The following RAP1GAP2 variants were observed in gnomAD, a reference collection of about 807,000 sequenced individuals.
RAP1GAP2 encodes the protein rap1 GTPase-activating protein 2.
Under a neutral mutation model 95.0 loss-of-function variants are expected in RAP1GAP2, and 27 were observed. The observed-to-expected ratio is 0.28, with a 90% CI of 0.21 to 0.39. The LOEUF (loss-of-function observed/expected upper bound fraction) is 0.39. Ranked by LOEUF, RAP1GAP2 falls within the 10% of genes least tolerant of loss-of-function variation. The probability of loss-of-function intolerance (pLI) is 1.00; values close to 1 mark genes in which losing one functional copy is unlikely to be tolerated. For missense variants in RAP1GAP2, 771 were observed against 970.0 expected (o/e 0.79, Z 2.72); for synonymous variants, 373 against 380.9 (o/e 0.98, Z 0.24).
intron 3 of RAP1GAP2, among the ~76,000 whole-genome samples, chr17:2,938,911 A>T (rs1391840064): frequency 6.6e-6 from 1 of 151,996 alleles, no homozygotes; most frequent in Non-Finnish European, 1.5e-5. Flanking sequence ...TCTTGAACCC[A>T]GGAGGCAGAG....
At chr17:2,804,771 G>C (rs1245023123) in intron 2 of RAP1GAP2, among the ~76,000 whole-genome samples, 1 of 152,194 alleles carries the variant, frequency 6.6e-6, no homozygotes, top group East Asian at 1.9e-4. Context: ...ATGCTGGAGG[G>C]GAGGTGGCAA....
At position 2,820,891 on chromosome 17, in the gene RAP1GAP2, G is replaced by GTTTTTTTTTTTTTTT. The variant is rs1475267891; in HGVS notation, c.80+20341_80+20342insTTTTTTTTTTTTTTT. Among the ~76,000 whole-genome samples, 312 of 113,944 alleles carry GTTTTTTTTTTTTTTT rather than the reference G, an allele frequency of 2.7e-3. 18 individuals are homozygous for GTTTTTTTTTTTTTTT. Among genetic ancestry groups the GTTTTTTTTTTTTTTT allele is most frequent in the Admixed American group, 5.9e-3 (58 of 9,782 alleles). The allele number at this position is 113,944 out of a possible 152,430, so 74.8% of individuals were successfully genotyped here. ...TGCCCGCCACCACGGCCCGGATAAT[G>GTTTTTTTTTTTTTTT]GTTTTTTTTTTTTTTTTTGTATTTT... On this transcript the variant is annotated intron_variant, in intron 2 of 24. Transcript: ENST00000254695.
intron 22 of RAP1GAP2, among the ~76,000 whole-genome samples, chr17:3,030,426 ACAAT>A (rs1398667585): frequency 3.9e-5 from 6 of 152,300 alleles, no homozygotes; most frequent in South Asian, 2.1e-4. Context: ...AGACAACAAA[ACAAT>A]CAATCAAGTC....
At chr17:2,892,005 G>C (rs923943178) in intron 2 of RAP1GAP2, among the ~76,000 whole-genome samples, 1 of 151,626 alleles carries the variant, frequency 6.6e-6, no homozygotes, top group Admixed American at 6.6e-5. Flanking sequence ...TGTATTTTTA[G>C]TAGAGACGGG....
In RAP1GAP2 at chr17:2,965,452, G is replaced by T. The variant is rs2044549529; in HGVS notation, c.493-88G>T. On this transcript the variant is annotated intron_variant, in intron 7 of 24. Transcript: ENST00000254695. This position sits in a 1 kb window ranked among gnomAD's most constrained non-coding sequence, Gnocchi z 4.7. ...TCCTTCTCTTCCTTGTTGCTGTGGG[G>T]CTTCTCCTGGTGAAGGAGGTGGTTT... The T allele has an allele frequency of 2.1e-6, 2 of 934,904 alleles. No homozygotes were observed. Among genetic ancestry groups the T allele is most frequent in the Non-Finnish European group, 3.3e-6 (2 of 599,748 alleles). The allele number at this position is 934,904 out of a possible 1,614,324, so 57.9% of individuals were successfully genotyped here.
chr17:2,928,705 A>C (rs532668128), intron 3 of RAP1GAP2, among the ~76,000 whole-genome samples: 1 of 152,182 alleles, frequency 6.6e-6, no homozygotes, highest in South Asian at 2.1e-4. Context: ...AGCGCCTTCC[A>C]GCCCACCGAT....
At chr17:2,806,808 G>T (rs1314316307) in intron 2 of RAP1GAP2, among the ~76,000 whole-genome samples, 2 of 151,714 alleles carry the variant, frequency 1.3e-5, no homozygotes, top group African/African-American at 4.9e-5. Context: ...CTGCCTCCTG[G>T]GTTCAAGTGA....
At chr17:2,928,926 G>T (rs73976724) in intron 3 of RAP1GAP2, among the ~76,000 whole-genome samples, 9,514 of 152,150 alleles carry the variant, frequency 0.063, 601 homozygotes, top group East Asian at 0.16. Context: ...TTCACTGGCT[G>T]GGTGGAGCTT....
In RAP1GAP2 at chr17:2,796,460, C is replaced by G. The variant is rs1023235635; in HGVS notation, c.-68C>G. ...GGCACTGACCCCGCTGTACCACGGC[C>G]CTCTTGCGGACAGCCCCGGGGACGT... On this transcript the variant is annotated 5_prime_UTR_variant, in exon 1 of 25. Coordinates refer to ENST00000254695, the MANE Select transcript of RAP1GAP2 (RefSeq NM_015085.5). The surrounding 1 kb of genome is among the most constrained non-coding windows in gnomAD (Gnocchi z 4.7). 9 of 1,525,172 alleles carry G rather than the reference C, an allele frequency of 5.9e-6. No individual in the cohort carries two copies. The African/African-American group carries it at 1.2e-4, about 21-fold the overall frequency. 94.5% of individuals were successfully genotyped at this position (1,525,172 alleles called of 1,614,324 possible). A position where few individuals can be genotyped will look rare whatever the true frequency, so the allele number is the denominator to read the frequency against.
Position 2,963,482 on chromosome 17 carries a change from TC to T in RAP1GAP2, c.279+23del, listed in dbSNP as rs745641685. The T allele has an allele frequency of 1.9e-6, 3 of 1,613,392 alleles. No homozygotes were observed. In the African/African-American group the frequency reaches 4.0e-5, roughly 22 times the overall value. On this transcript the variant is annotated intron_variant, in intron 6 of 24. Transcript: ENST00000254695. The surrounding 1 kb of genome is among the most constrained non-coding windows in gnomAD (Gnocchi z 4.8). ...GACGAGGTAGGTGCCCTCCCCTCAC[TC>T]CCACCTGCCCTGCAGCCTGCTCTGG...
At chr17:2,783,171 C>T (rs1013247839) in intron 1 of RAP1GAP2, among the ~76,000 whole-genome samples, 5 of 152,160 alleles carry the variant, frequency 3.3e-5, no homozygotes, top group African/African-American at 9.7e-5. Flanking sequence ...CTGTTCCCTC[C>T]GCTCTTCACA....
chr17:2,929,194 C>G (rs769943541), intron 3 of RAP1GAP2, among the ~76,000 whole-genome samples: 5 of 152,188 alleles, frequency 3.3e-5, no homozygotes, highest in Non-Finnish European at 7.3e-5. Flanking sequence ...GATCGCGCCA[C>G]TGTACTCCAG....
rs2044430679 is a variant in RAP1GAP2 at position 2,963,434 on chromosome 17, A to T, written c.251A>T (p.Asp84Val). Residue 84 changes from aspartate to valine, a missense_variant, in exon 6 of 25, where the codon GAC becomes GTC. By Grantham distance (152) the Asp-to-Val change is radical. Coordinates refer to ENST00000254695, the MANE Select transcript of RAP1GAP2 (RefSeq NM_015085.5). This position sits in a 1 kb window ranked among gnomAD's most constrained non-coding sequence, Gnocchi z 4.8. ...ATCATCTGGTTTGTCTTGCAGGACG[A>T]CTATATCCCATACCCCAGCATCGAC... ...QKPGPQKNKD[D>V]YIPYPSIDEV... 3 of 1,613,606 alleles carry T rather than the reference A, an allele frequency of 1.9e-6. No individual in the cohort carries two copies. In the African/African-American group the frequency reaches 4.0e-5, roughly 22 times the overall value.
intron 3 of RAP1GAP2, among the ~76,000 whole-genome samples, chr17:2,918,450 A>G (rs1001516385): frequency 6.3e-4 from 95 of 151,688 alleles, no homozygotes; most frequent in Non-Finnish European, 9.7e-4. Context: ...AAAAAAAAAA[A>G]AAAGAAAGGT....
At chr17:2,875,928 TTTTG>T (rs1047018328) in intron 2 of RAP1GAP2, among the ~76,000 whole-genome samples, 7 of 147,228 alleles carry the variant, frequency 4.8e-5, no homozygotes, top group Admixed American at 2.8e-4. Context: ...CTGCATTGTT[TTTTG>T]TTTGTTTGTT....
chr17:2,984,903 T>A, intron 10 of RAP1GAP2, 80 bp from the exon 11 acceptor site: 1 of 1,577,198 alleles, frequency 6.3e-7, no homozygotes, highest in South Asian at 1.2e-5. Context: ...CCCAAATGGA[T>A]GCTTCCCCTG....
intron 3 of RAP1GAP2, among the ~76,000 whole-genome samples, chr17:2,945,212 CTGATTGTTTAT>C (rs566468980): frequency 1.0e-3 from 156 of 152,258 alleles, no homozygotes; most frequent in African/African-American, 3.6e-3. Flanking sequence ...TCTTAATTTT[CTGATTGTTTAT>C]TGATTGTTTA....
At chr17:2,907,249 A>C (rs959365942) in intron 3 of RAP1GAP2, among the ~76,000 whole-genome samples, 4 of 152,076 alleles carry the variant, frequency 2.6e-5, no homozygotes, top group Non-Finnish European at 4.4e-5. Flanking sequence ...AAACCATAAG[A>C]ACTGAGAATG....
At chr17:2,832,720 T>G (rs2070942686) in intron 2 of RAP1GAP2, among the ~76,000 whole-genome samples, 1 of 151,942 alleles carries the variant, frequency 6.6e-6, no homozygotes, top group Non-Finnish European at 1.5e-5. Context: ...CTCACTCCTG[T>G]AATCCCAGCA....
Sources: gnomAD v4.1 joint callset for allele counts (sites outside exome capture counted in the v4.1 genomes callset) on GRCh38, gnomAD v4.1.1 for gene constraint, Gnocchi (gnomAD v3.1) non-coding constraint, MANE v1.5 for transcripts, NCBI Gene and HGNC (gene_info 2026-07-23, HGNC 2026-07-21) for gene names.